MYH11: variants seen among roughly 807,000 people sequenced by gnomAD.
MYH11 encodes the protein myosin-11.
MYH11 carries 80 observed loss-of-function variants against 246.6 expected under a neutral mutation model. The ratio of observed to expected loss-of-function variants is 0.32; its 90% confidence interval spans 0.27 to 0.39. The LOEUF (loss-of-function observed/expected upper bound fraction) is 0.39, where lower values mean the gene tolerates loss of function less well. Ranked by LOEUF, MYH11 falls within the 10% of genes least tolerant of loss-of-function variation. The probability of loss-of-function intolerance (pLI) is 1.00; values close to 1 mark genes in which losing one functional copy is unlikely to be tolerated. For synonymous variants in MYH11, 1,071 were observed against 1,015.5 expected (o/e 1.05, Z -1.04); for missense variants, 2,158 against 2,546.8 (o/e 0.85, Z 3.29).
chr16:15,724,083 C>G, intron 31 of MYH11, 78 bp downstream of exon 31: 1 of 1,602,472 alleles, frequency 6.2e-7, no homozygotes, highest in South Asian at 1.1e-5. Flanking sequence ...CAGGCCAGAG[C>G]CACGCGTCAT....
chr16:15,838,856 CAAAAA>C (rs10573476), intron 1 of MYH11, among the ~76,000 whole-genome samples: 2 of 88,890 alleles, frequency 2.2e-5, no homozygotes. Flanking sequence ...GACTCCATCT[CAAAAA>C]AAAAAAAAAA....
chr16:15,757,318 G>A (rs923865877), intron 13 of MYH11, among the ~76,000 whole-genome samples: 32 of 150,480 alleles, frequency 2.1e-4, no homozygotes, highest in African/African-American at 7.5e-4. Flanking sequence ...CACCAGGCCC[G>A]GCTAATTAGT....
rs746284874 is a variant in MYH11, at chr16:15,721,581, T to C, written c.4419A>G (p.Arg1473=). The stretch of plus-strand genomic sequence containing the variant: ...CCTTCTCCCTGGCTTCTGCCTCAGC[T>C]CTGTCCCTCTCATCCGCGTATTTGG... ...ISSKYADERD[R]AEAEAREKET... is the part of the protein sequence containing the mutation. Residue 1473 remains arginine (R), a synonymous_variant, in exon 32 of 41, where the codon AGA becomes AGG. Coordinates refer to ENST00000300036, the MANE Select transcript of MYH11 (RefSeq NM_002474.3). 1.2e-6 allele frequency: 2 copies of C among 1,614,016 alleles called. No individual in the cohort carries two copies. Among genetic ancestry groups the C allele is most frequent in the Admixed American group, 1.7e-5 (1 of 59,980 alleles).
At position 15,776,059 on chromosome 16, in the gene MYH11, G is replaced by A; in HGVS notation, c.889+19C>T. 1 of 1,555,512 alleles carries A rather than the reference G, an allele frequency of 6.4e-7. No individual in the cohort carries two copies. ...GAAGGCTCAAGCCATCCAATCACAT[G>A]TCATTGCTAGTCACTTACTTCTCAT... On this transcript the variant is annotated intron_variant, in intron 8 of 40. Coordinates refer to ENST00000300036, the MANE Select transcript of MYH11 (RefSeq NM_002474.3).
intron 1 of MYH11, among the ~76,000 whole-genome samples, chr16:15,844,216 A>C (rs1256386248): frequency 1.3e-5 from 2 of 152,168 alleles, no homozygotes. Context: ...AAACTCCCAA[A>C]GGTGAGAGAC....
chr16:15,760,484 G>A, intron 11 of MYH11, 56 bp downstream of exon 11: 1 of 1,291,084 alleles, frequency 7.7e-7, no homozygotes, highest in Non-Finnish European at 1.1e-6. Context: ...TGGATAGATG[G>A]ATGAATGGAT....
Position 15,838,191 on chromosome 16 carries a change from A to G in MYH11, c.62T>C (p.Ile21Thr), listed in dbSNP as rs777372840. ...GTCAGCCTGGGCCACTGGGCTGTTGATGAAGTTTTTGTCCACAAAGAGGAA... is the reference window on the plus strand; with the variant it reads ...GTCAGCCTGGGCCACTGGGCTGTTGGTGAAGTTTTTGTCCACAAAGAGGAA... ...EKFLFVDKNF[I>T]NSPVAQADWA... The change falls in exon 2 of 41, where the codon ATC (isoleucine) becomes ACC (threonine). Residue 21 changes from isoleucine to threonine, a missense_variant. This residue lies in a region of MYH11 where 96 missense variants were observed against 91.9 expected (regional missense o/e 1.04). Coordinates refer to ENST00000300036, the MANE Select transcript of MYH11 (RefSeq NM_002474.3). The G allele has an allele frequency of 2.2e-5, 36 of 1,613,922 alleles. No individual in the cohort carries two copies. Among genetic ancestry groups the G allele is most frequent in the Non-Finnish European group, 1.0e-5 (12 of 1,180,018 alleles).
At chr16:15,725,039 C>T in intron 28 of MYH11, 47 bp from the exon 29 acceptor site, 2 of 1,552,042 alleles carry the variant, frequency 1.3e-6, no homozygotes, top group Non-Finnish European at 1.8e-6. Context: ...AGAAGGGGAT[C>T]CTCGTTGAAA....
chr16:15,728,727 C>T (rs1422326897), intron 27 of MYH11, among the ~76,000 whole-genome samples: 1 of 151,822 alleles, frequency 6.6e-6, no homozygotes, highest in African/African-American at 2.4e-5. Flanking sequence ...TGGTGAAACC[C>T]CGTCTCTACT....
At chr16:15,726,699 G>A (rs1464983560) in intron 28 of MYH11, 149 bp downstream of exon 28, 2 of 901,104 alleles carry the variant, frequency 2.2e-6, no homozygotes, top group Non-Finnish European at 3.5e-6. Flanking sequence ...ATTGAACAGG[G>A]AGATCATCGC....
chr16:15,705,608 G>A (rs1237565885), intron 40 of MYH11, among the ~76,000 whole-genome samples: 1 of 152,160 alleles, frequency 6.6e-6, no homozygotes, highest in East Asian at 1.9e-4. Context: ...AAAGAAGAGA[G>A]CAGACTTTTG....
rs1431229925 is a variant in MYH11 at position 15,786,768 on chromosome 16, C to T, written c.531-36G>A. On this transcript the variant is annotated intron_variant, in intron 4 of 40. Transcript: ENST00000300036. ...CGGGAACATCATCTATGCACACGTT[C>T]CATGGTGACCTTTCCGCAGTTCCAT... 5.1e-6 allele frequency: 8 copies of T among 1,565,398 alleles called. No homozygotes were observed. In the African/African-American group the frequency reaches 5.4e-5, roughly 11 times the overall value.
chr16:15,818,731 C>A (rs778503807), intron 3 of MYH11, among the ~76,000 whole-genome samples: 27 of 151,812 alleles, frequency 1.8e-4, no homozygotes, highest in Non-Finnish European at 3.7e-4. Flanking sequence ...CCACCGTGCC[C>A]GATTCTTTTT....
chr16:15,785,138 A>G (rs1424505316), intron 5 of MYH11: 3 of 159,654 alleles, frequency 1.9e-5, no homozygotes. Context: ...ATGAGCCCCC[A>G]TGCTCAGCCA....
intron 4 of MYH11, among the ~76,000 whole-genome samples, chr16:15,794,970 G>A (rs1028935955): frequency 2.6e-5 from 4 of 152,194 alleles, no homozygotes; most frequent in African/African-American, 9.7e-5. Context: ...ACCATTTCAC[G>A]AGGGGAACGG....
intron 3 of MYH11, among the ~76,000 whole-genome samples, chr16:15,816,164 T>C (rs760728618): frequency 6.6e-6 from 1 of 152,090 alleles, no homozygotes; most frequent in Non-Finnish European, 1.5e-5. Context: ...ACATGAAAAC[T>C]GGGAAACAAG....
At chr16:15,853,118 T>C (rs1161540290) in intron 1 of MYH11, among the ~76,000 whole-genome samples, 2 of 152,126 alleles carry the variant, frequency 1.3e-5, no homozygotes, top group Non-Finnish European at 2.9e-5. Flanking sequence ...GGCCTTGTAT[T>C]TTTCAGCCTG....
At chr16:15,784,337 C>T (rs190602632) in intron 5 of MYH11, among the ~76,000 whole-genome samples, 1 of 152,256 alleles carries the variant, frequency 6.6e-6, no homozygotes, top group East Asian at 1.9e-4. Flanking sequence ...TCCTAAAACA[C>T]TCAGCCAGAT....
chr16:15,732,293 T>C (rs989549730), intron 27 of MYH11, among the ~76,000 whole-genome samples: 1 of 151,542 alleles, frequency 6.6e-6, no homozygotes, highest in Non-Finnish European at 1.5e-5. Flanking sequence ...AGAAACAAGG[T>C]CTCACTATGT....
Sources: allele counts gnomAD v4.1 joint callset (sites outside exome capture counted in the v4.1 genomes callset), GRCh38; gene constraint gnomAD v4.1.1; regional missense constraint gnomAD v4.1.1; transcripts MANE v1.5; gene names NCBI Gene and HGNC (gene_info 2026-07-23, HGNC 2026-07-21).